The following WDPCP variants were observed in gnomAD, a reference collection of about 807,000 sequenced individuals.
WDPCP encodes the protein WD repeat-containing and planar cell polarity effector protein fritz homolog.
Under a neutral mutation model 93.1 loss-of-function variants are expected in WDPCP, and 71 were observed. That is an observed-to-expected ratio of 0.76 (90% CI 0.63 to 0.93). The LOEUF (loss-of-function observed/expected upper bound fraction) is 0.93. Ranked by LOEUF, WDPCP falls within the 40% of genes least tolerant of loss-of-function variation. The pLI is 0.00. For synonymous variants in WDPCP, 315 were observed against 315.0 expected (o/e 1.00, Z 0.00); for missense variants, 844 against 887.4 (o/e 0.95, Z 0.62).
At chr2:63,685,135 G>C (rs1668788470) in intron 2 of WDPCP, among the ~76,000 whole-genome samples, 3 of 151,996 alleles carry the variant, frequency 2.0e-5, no homozygotes, top group Admixed American at 2.0e-4. Context: ...TAAATGAAAT[G>C]AACATAACAA....
At chr2:63,622,775 G>A (rs191679669) in intron 3 of WDPCP, 240 of 1,612,438 alleles carry the variant, frequency 1.5e-4, no homozygotes, top group East Asian at 3.3e-4. Context: ...AGAAGGCGGC[G>A]AACACTTGGT....
At chr2:63,675,912 G>C (rs1710398618) in intron 2 of WDPCP, among the ~76,000 whole-genome samples, 1 of 152,136 alleles carries the variant, frequency 6.6e-6, no homozygotes, top group Non-Finnish European at 1.5e-5. Context: ...TTATGGTTTA[G>C]TTATACCAAA....
intron 17 of WDPCP, among the ~76,000 whole-genome samples, chr2:63,145,936 T>C (rs548008082): frequency 2.4e-4 from 37 of 152,206 alleles, no homozygotes; most frequent in Non-Finnish European, 5.1e-4. Flanking sequence ...TTGGATTAGC[T>C]GCATTCCTAG....
At chr2:63,369,264 A>G (rs1249973321) in intron 12 of WDPCP, 1 of 371,104 alleles carries the variant, frequency 2.7e-6, no homozygotes, top group Non-Finnish European at 5.3e-6. Flanking sequence ...AATACAGTGA[A>G]TATAGGCACT....
In WDPCP at chr2:63,632,366, C is replaced by G. The variant is rs190631416; in HGVS notation, n.488+18293G>C. On this transcript the variant is annotated intron_variant and non_coding_transcript_variant, in intron 3 of 4. Transcript: ENST00000467687. The stretch of plus-strand genomic sequence containing the variant: ...AGGAACACAATAATTTTACAAGAAC[C>G]AATGCCAAAGAAATAAAGACCTACA... 1.2e-4 allele frequency among the ~76,000 whole-genome samples: 19 copies of G among 152,190 alleles called. No homozygotes were observed. The South Asian group carries it at 2.3e-3, about 18-fold the overall frequency.
intron 13 of WDPCP, among the ~76,000 whole-genome samples, chr2:63,275,468 A>G (rs1187677714): frequency 6.6e-6 from 1 of 152,190 alleles, no homozygotes; most frequent in Non-Finnish European, 1.5e-5. Flanking sequence ...GAAAGCTAGA[A>G]AAAACAAAGT....
chr2:63,604,907 C>T (rs748385957), intron 3 of WDPCP: 18 of 1,603,412 alleles, frequency 1.1e-5, no homozygotes, highest in South Asian at 2.2e-5. Context: ...TAACACTGAG[C>T]GTAAAGAACT....
At chr2:63,571,702 T>C in intron 1 of WDPCP, 3 of 456,572 alleles carry the variant, frequency 6.6e-6, no homozygotes, top group Middle Eastern at 3.4e-4. Context: ...GCCAGAAAAG[T>C]TTTAAATATT....
intron 14 of WDPCP, among the ~76,000 whole-genome samples, chr2:63,211,005 C>T (rs866922621): frequency 2.0e-5 from 3 of 152,348 alleles, no homozygotes; most frequent in African/African-American, 7.2e-5. Context: ...GGCCTGCCTG[C>T]CTCTGTAGAC....
chr2:63,285,479 T>A (rs1683926070), intron 13 of WDPCP, among the ~76,000 whole-genome samples: 1 of 151,132 alleles, frequency 6.6e-6, no homozygotes, highest in African/African-American at 2.4e-5. Flanking sequence ...CAGAGATTAT[T>A]GTACTAGATG....
In WDPCP at chr2:63,404,277, T is replaced by A. The variant is rs1441739882; in HGVS notation, c.1206A>T (p.Gln402His). 6.2e-7 allele frequency: 1 copy of A among 1,613,868 alleles called. No individual in the cohort carries two copies. Among genetic ancestry groups the A allele is most frequent in the African/African-American group, 1.3e-5 (1 of 74,916 alleles). ...TAGGGGATAGAGCCATATCAAAAAT[T>A]TGCAACTCCCCTTGGTTGCTGCCAA... ...LLVGSNQGEL[Q>H]IFDMALSPIN... Residue 402 changes from glutamine to histidine, a missense_variant, in exon 10 of 18, where the codon CAA becomes CAT. Physicochemically the swap from Gln to His is conservative, Grantham distance 24. Coordinates refer to ENST00000272321, the MANE Select transcript of WDPCP (RefSeq NM_015910.7).
intron 6 of WDPCP, among the ~76,000 whole-genome samples, chr2:63,480,531 A>G (rs1399885524): frequency 3.3e-5 from 5 of 152,332 alleles, no homozygotes; most frequent in African/African-American, 1.2e-4. Flanking sequence ...CTGGTATAAA[A>G]ATAGGCACAT....
chr2:63,670,119 T>G (rs563064657), intron 2 of WDPCP, among the ~76,000 whole-genome samples: 64 of 152,270 alleles, frequency 4.2e-4, no homozygotes, highest in Middle Eastern at 3.4e-3. Context: ...GAGAGCACAA[T>G]CTGTAACGTT....
intron 15 of WDPCP, among the ~76,000 whole-genome samples, chr2:63,153,989 C>T (rs775164349): frequency 6.6e-6 from 1 of 151,428 alleles, no homozygotes; most frequent in African/African-American, 2.4e-5. Flanking sequence ...ATGTAGAAAA[C>T]CCCCCACCAA....
At chr2:63,837,057 C>A in the WDPCP span, among the ~76,000 whole-genome samples, 628 of 152,238 alleles carry the variant, frequency 4.1e-3, 5 homozygotes, top group African/African-American at 0.014. Flanking sequence ...TCAAATATAA[C>A]TTAAAAATCA....
chr2:63,378,463 T>C lies in WDPCP; in HGVS notation c.1671A>G (p.Pro557=), dbSNP rs202162023. ...SLGTFYAPTR[P]LLDSTILEYR... is the part of the protein sequence containing the mutation. ...ATTCCAATATAGTGGAATCCAGAAG[T>C]GGTCTTGTTGGAGCATAGAAGGTTC... Residue 557 remains proline (P), a synonymous_variant, in exon 12 of 18, where the codon CCA becomes CCG. Coordinates refer to ENST00000272321, the MANE Select transcript of WDPCP (RefSeq NM_015910.7). 1.4e-5 allele frequency: 22 copies of C among 1,613,288 alleles called. No individual in the cohort carries two copies. Among genetic ancestry groups the C allele is most frequent in the Middle Eastern group, 1.7e-4 (1 of 6,052 alleles).
At chr2:63,175,131 C>A (rs572119411) in intron 14 of WDPCP, among the ~76,000 whole-genome samples, 1 of 151,844 alleles carries the variant, frequency 6.6e-6, no homozygotes, top group Non-Finnish European at 1.5e-5. Context: ...TTTTTGTTAG[C>A]CAATTACTGG....
At chr2:63,204,272 T>C (rs1315440598) in intron 14 of WDPCP, among the ~76,000 whole-genome samples, 1 of 151,916 alleles carries the variant, frequency 6.6e-6, no homozygotes, top group East Asian at 1.9e-4. Context: ...TATCCCACTG[T>C]AGTTTTGATT....
At chr2:63,756,679 G>C (rs1248997119) in intron 2 of WDPCP, among the ~76,000 whole-genome samples, 1 of 152,062 alleles carries the variant, frequency 6.6e-6, no homozygotes, top group South Asian at 2.1e-4. Context: ...TTGAGTTCCA[G>C]TTTCCTCATA....
Sources: allele counts gnomAD v4.1 joint callset (sites outside exome capture counted in the v4.1 genomes callset), GRCh38; gene constraint gnomAD v4.1.1; transcripts MANE v1.5; gene names NCBI Gene and HGNC (gene_info 2026-07-23, HGNC 2026-07-21).